Variants in BCAS3 observed in about 807,000 individuals in gnomAD.
BCAS3 encodes BCAS3 microtubule associated cell migration factor.
BCAS3 carries 53 observed loss-of-function variants against 116.1 expected under a neutral mutation model. The ratio of observed to expected loss-of-function variants is 0.46; its 90% CI spans 0.37 to 0.57. The LOEUF (loss-of-function observed/expected upper bound fraction) is 0.57. BCAS3 is among the 20% of genes least tolerant of loss of function. The pLI is 0.00. For missense variants in BCAS3, 917 were observed against 1,165.4 expected, an observed-to-expected ratio of 0.79 and a Z score of 3.10; for synonymous variants, 391 against 408.2, an observed-to-expected ratio of 0.96 and a Z score of 0.51.
At chr17:60,763,721 A>G (rs1231999159) in intron 6 of BCAS3, among the ~76,000 whole-genome samples, 2 of 152,192 alleles carry the variant, frequency 1.3e-5, no homozygotes, top group Non-Finnish European at 2.9e-5. Context: ...AAAATGAGTT[A>G]GGGAGGGTTC....
rs968160871 is a variant in BCAS3, at chr17:61,251,497, G to A, written c.2426-116830G>A. Among the ~76,000 whole-genome samples the A allele has an allele frequency of 2.6e-5, 4 of 151,968 alleles. No homozygotes were observed. Among genetic ancestry groups the A allele is most frequent in the African/African-American group, 7.3e-5 (3 of 41,350 alleles). On this transcript the variant is annotated intron_variant, in intron 22 of 23. Transcript: ENST00000407086. The surrounding 1 kb of genome is among the most constrained non-coding windows in gnomAD (Gnocchi z 4.7). Reference sequence around the variant, plus strand: ...AGGCAGGAGAATCACTTGAACGCGGGATGCAGAGGTTGCAGTGAGCCGAGA... The same window carrying A: ...AGGCAGGAGAATCACTTGAACGCGGAATGCAGAGGTTGCAGTGAGCCGAGA...
chr17:60,750,490 AT>A (rs1388632429), intron 6 of BCAS3, among the ~76,000 whole-genome samples: 1 of 152,180 alleles, frequency 6.6e-6, no homozygotes, highest in Non-Finnish European at 1.5e-5. Flanking sequence ...AGAAAAAAAA[AT>A]AAAAGACATA....
intron 7 of BCAS3, among the ~76,000 whole-genome samples, chr17:60,848,927 C>A (rs2052785726): frequency 6.6e-6 from 1 of 152,158 alleles, no homozygotes; most frequent in South Asian, 2.1e-4. Flanking sequence ...ATCTACAACT[C>A]TGCCTTAGTC....
chr17:61,377,344 C>T lies in BCAS3; in HGVS notation c.2593+8850C>T, dbSNP rs535103797. 6.6e-4 allele frequency among the ~76,000 whole-genome samples: 100 copies of T among 152,188 alleles called. No homozygotes were observed. The highest frequency in any genetic ancestry group is 2.4e-3 in the African/African-American group (98 of 41,532). Reference sequence around the variant, plus strand: ...GAGACTGTGGGACAGCCGGTGGCCTCGGCAGGGGTGGTGTTGTTGGTGTTG... The same window carrying T: ...GAGACTGTGGGACAGCCGGTGGCCTTGGCAGGGGTGGTGTTGTTGGTGTTG... On this transcript the variant is annotated intron_variant, in intron 23 of 23. Coordinates refer to ENST00000407086, the MANE Select transcript of BCAS3 (RefSeq NM_017679.5). The surrounding 1 kb of genome is among the most constrained non-coding windows in gnomAD (Gnocchi z 4.6).
intron 7 of BCAS3, among the ~76,000 whole-genome samples, chr17:60,867,572 T>C (rs544078093): frequency 6.6e-6 from 1 of 152,338 alleles, no homozygotes; most frequent in Non-Finnish European, 1.5e-5. Flanking sequence ...ATATACCTGA[T>C]GTTTGTATAT....
At chr17:60,697,831 T>C (rs2035806373) in intron 4 of BCAS3, among the ~76,000 whole-genome samples, 1 of 151,956 alleles carries the variant, frequency 6.6e-6, no homozygotes, top group Admixed American at 6.6e-5. Context: ...TAGATGTCTC[T>C]ATAGGAAAGA....
intron 9 of BCAS3, 31 bp from the exon 10 acceptor site, chr17:60,889,664 T>C: frequency 6.4e-7 from 1 of 1,569,020 alleles, no homozygotes; most frequent in Non-Finnish European, 8.8e-7. Flanking sequence ...TATTAAGAAA[T>C]TTCTCAATAG....
chr17:61,304,817 A>T (rs903288527), intron 22 of BCAS3, among the ~76,000 whole-genome samples: 1 of 151,402 alleles, frequency 6.6e-6, no homozygotes, highest in Admixed American at 6.6e-5. Context: ...GCAATGACAC[A>T]ATCTCAGCTC....
At chr17:60,747,624 C>T (rs926781084) in intron 6 of BCAS3, among the ~76,000 whole-genome samples, 5 of 152,056 alleles carry the variant, frequency 3.3e-5, no homozygotes, top group South Asian at 2.1e-4. Flanking sequence ...CTGACTGTGC[C>T]GCCTTTGTTA....
intron 19 of BCAS3, among the ~76,000 whole-genome samples, chr17:61,050,739 T>A (rs1367270507): frequency 6.6e-6 from 1 of 152,036 alleles, no homozygotes; most frequent in Non-Finnish European, 1.5e-5. Flanking sequence ...TCTAACTGTA[T>A]GCTACTTATA....
At position 60,947,344 on chromosome 17, in the gene BCAS3, G is replaced by C; in HGVS notation, c.1213G>C (p.Glu405Gln). 1 of 1,612,908 alleles carries C rather than the reference G, an allele frequency of 6.2e-7. No homozygotes were observed. Among genetic ancestry groups the C allele is most frequent in the Non-Finnish European group, 8.5e-7 (1 of 1,179,428 alleles). ...GTATACTCTTCACAGGGGAGAAACT[G>C]AAGCCAAAGTAAGCTGTATAATTTT... The part of the protein sequence containing the change: ...HLYTLHRGET[E>Q]AKVQDICFSH... Residue 405 changes from glutamate to glutamine, a missense_variant, in exon 14 of 24, where the codon GAA becomes CAA. Transcript: ENST00000407086.
At chr17:61,206,540 C>CTGTAA (rs2081136949) in intron 22 of BCAS3, among the ~76,000 whole-genome samples, 1 of 151,952 alleles carries the variant, frequency 6.6e-6, no homozygotes, top group Non-Finnish European at 1.5e-5. Flanking sequence ...TGGCTCACAC[C>CTGTAA]TGTAATCCCA....
In BCAS3 at chr17:61,352,238, G is replaced by A. The variant is rs1249107858; in HGVS notation, c.2426-16089G>A. Among the ~76,000 whole-genome samples, 1 of 152,156 alleles carries A rather than the reference G, an allele frequency of 6.6e-6. No homozygotes were observed. The highest frequency in any genetic ancestry group is 1.9e-4 in the East Asian group (1 of 5,188). On this transcript the variant is annotated intron_variant, in intron 22 of 23. Transcript: ENST00000407086. The surrounding 1 kb of genome is among the most constrained non-coding windows in gnomAD (Gnocchi z 4.7). ...CTGGGCCCCTCCTGGGAGCCCCTTG[G>A]TGCTTTGGCTTTTTTCTTTTTTCCC...
In BCAS3 at chr17:61,380,485, A is replaced by T; in HGVS notation, c.2594-11492A>T. ...TCCAGTTTGTGATCCGCTTTAAAGG[A>T]ATATTTTATTTTCAATACAGACACA... On this transcript the variant is annotated intron_variant, in intron 23 of 23. Coordinates refer to ENST00000407086, the MANE Select transcript of BCAS3 (RefSeq NM_017679.5). The surrounding 1 kb of genome is among the most constrained non-coding windows in gnomAD (Gnocchi z 4.2). 6.3e-7 allele frequency: 1 copy of T among 1,592,366 alleles called. No homozygotes were observed. The highest frequency in any genetic ancestry group is 2.2e-5 in the East Asian group (1 of 44,820).
intron 7 of BCAS3, chr17:60,810,957 A>G: frequency 2.9e-6 from 2 of 682,452 alleles, no homozygotes; most frequent in Non-Finnish European, 5.4e-6. Context: ...AGAAGAACCA[A>G]GAGGAGCTGG....
intron 22 of BCAS3, among the ~76,000 whole-genome samples, chr17:61,359,951 C>G (rs1230186949): frequency 6.6e-6 from 1 of 151,496 alleles, no homozygotes; most frequent in Non-Finnish European, 1.5e-5. Flanking sequence ...TCATTTTGGT[C>G]TGGTGTGTGG....
At chr17:60,887,973 C>T (rs1290001643) in intron 9 of BCAS3, among the ~76,000 whole-genome samples, 4 of 152,074 alleles carry the variant, frequency 2.6e-5, no homozygotes, top group Non-Finnish European at 5.9e-5. Context: ...AAATTGTAAA[C>T]ATGTTAGAAT....
intron 11 of BCAS3, among the ~76,000 whole-genome samples, chr17:60,907,043 A>G (rs2058224692): frequency 6.6e-6 from 1 of 152,160 alleles, no homozygotes; most frequent in Admixed American, 6.6e-5. Context: ...TTTTTGTCTC[A>G]CTGCAATTGT....
rs2082398702 is a variant in BCAS3, at chr17:61,226,902, T to C, written c.2426-141425T>C. Among the ~76,000 whole-genome samples the C allele has an allele frequency of 6.6e-6, 1 of 152,192 alleles. No individual in the cohort carries two copies. Among genetic ancestry groups the C allele is most frequent in the South Asian group, 2.1e-4 (1 of 4,830 alleles). The stretch of plus-strand genomic sequence containing the variant: ...GTTTGCCTGCCTATATCCTATAATA[T>C]CCCTTTCCTTTTTAATTTGTTGCTT... On this transcript the variant is annotated intron_variant, in intron 22 of 23. Coordinates refer to ENST00000407086, the MANE Select transcript of BCAS3 (RefSeq NM_017679.5). This position sits in a 1 kb window ranked among gnomAD's most constrained non-coding sequence, Gnocchi z 6.0.
Sources: allele counts gnomAD v4.1 joint callset (sites outside exome capture counted in the v4.1 genomes callset), GRCh38; gene constraint gnomAD v4.1.1; non-coding constraint Gnocchi (gnomAD v3.1); transcripts MANE v1.5; gene names NCBI Gene and HGNC (gene_info 2026-07-23, HGNC 2026-07-21).